Variants in ZNF804B observed in about 807,000 individuals in gnomAD.
The protein encoded by ZNF804B is zinc finger protein 804B.
Under a neutral mutation model 101.4 loss-of-function variants are expected in ZNF804B, and 80 were observed. The ratio of observed to expected loss-of-function variants is 0.79; its 90% CI spans 0.66 to 0.95. ZNF804B has a LOEUF of 0.95. Ranked by LOEUF, ZNF804B falls within the 40% of genes least tolerant of loss-of-function variation. ZNF804B has a pLI of 0.00. For synonymous variants in ZNF804B, 622 were observed against 558.8 expected (o/e 1.11, Z -1.59); for missense variants, 1,673 against 1,561.9 (o/e 1.07, Z -1.20).
intron 1 of ZNF804B, among the ~76,000 whole-genome samples, chr7:88,802,052 G>A (rs1046114493): frequency 1.8e-4 from 27 of 151,988 alleles, no homozygotes; most frequent in Admixed American, 1.3e-4. Flanking sequence ...TGGTGATAGC[G>A]AGGGAATTCT....
chr7:89,199,333 C>G (rs746332686), intron 1 of ZNF804B, among the ~76,000 whole-genome samples: 3 of 151,824 alleles, frequency 2.0e-5, no homozygotes, highest in Non-Finnish European at 4.4e-5. Flanking sequence ...CTCTTCTACT[C>G]TAACCTGCCA....
chr7:89,285,546 A>AAAAAAAAAAAG lies in ZNF804B; in HGVS notation c.250-41796_250-41795insAAAAAAAAGAA, dbSNP rs1554389597. ...TCAAAAAAAAAAAAAAAAAAAAAAA[A>AAAAAAAAAAAG]AAGAAGAAGAAGAAGAAGAAGAAGA... is the stretch of plus-strand genomic sequence containing the variant. On this transcript the variant is annotated intron_variant, in intron 2 of 3. Transcript: ENST00000333190. 5.2e-3 allele frequency among the ~76,000 whole-genome samples: 483 copies of AAAAAAAAAAAG among 93,238 alleles called. 5 individuals are homozygous for AAAAAAAAAAAG. The highest frequency in any genetic ancestry group is 8.1e-3 in the Middle Eastern group (1 of 124). 61.2% of individuals were successfully genotyped at this position (93,238 alleles called of 152,430 possible).
At chr7:88,794,127 T>TA (rs1790430853) in intron 1 of ZNF804B, 5 of 1,435,646 alleles carry the variant, frequency 3.5e-6, no homozygotes, top group Admixed American at 4.9e-5. Context: ...ATGTTTTTTT[T>TA]ATTTAAGTAG....
chr7:89,270,572 C>G (rs575677970), intron 2 of ZNF804B, among the ~76,000 whole-genome samples: 9 of 152,058 alleles, frequency 5.9e-5, no homozygotes, highest in Non-Finnish European at 1.2e-4. Flanking sequence ...TCCCTATGAA[C>G]TTTAAAGTAG....
At chr7:89,049,010 G>T (rs1464733308) in intron 1 of ZNF804B, among the ~76,000 whole-genome samples, 3 of 151,948 alleles carry the variant, frequency 2.0e-5, no homozygotes, top group Non-Finnish European at 4.4e-5. Flanking sequence ...ACAATTTCAG[G>T]TTCTTGTAAA....
intron 1 of ZNF804B, among the ~76,000 whole-genome samples, chr7:89,191,394 A>T (rs1452229408): frequency 6.6e-6 from 1 of 152,150 alleles, no homozygotes; most frequent in South Asian, 2.1e-4. Context: ...GCAGCAACTG[A>T]TAAGTGGCCA....
intron 1 of ZNF804B, among the ~76,000 whole-genome samples, chr7:88,861,792 A>G (rs963926424): frequency 1.8e-4 from 27 of 152,346 alleles, no homozygotes; most frequent in African/African-American, 6.3e-4. Flanking sequence ...GATATGTAGC[A>G]CATACTTTAA....
In ZNF804B at chr7:89,334,114, G is replaced by T; in HGVS notation, c.1132G>T (p.Ala378Ser). ...ACCAAACATTTACAACCATAGTGAT[G>T]CCAGGATATCTGAATGCCTGGATGA... ...SPPNIYNHSD[A>S]RISECLDEFS... The change falls in exon 4 of 4, where the codon GCC (alanine) becomes TCC (serine). Residue 378 changes from alanine to serine, a missense_variant. Transcript: ENST00000333190. The T allele has an allele frequency of 6.2e-7, 1 of 1,613,722 alleles. No individual in the cohort carries two copies. The highest frequency in any genetic ancestry group is 1.1e-5 in the South Asian group (1 of 91,066).
intron 2 of ZNF804B, among the ~76,000 whole-genome samples, chr7:89,270,389 T>G (rs2115836677): frequency 6.6e-6 from 1 of 152,336 alleles, no homozygotes; most frequent in Admixed American, 6.5e-5. Flanking sequence ...TGGGTGTTAT[T>G]ATTTTTGAGG....
At chr7:88,970,375 T>G (rs1432005514) in intron 1 of ZNF804B, among the ~76,000 whole-genome samples, 1 of 138,870 alleles carries the variant, frequency 7.2e-6, no homozygotes, top group Non-Finnish European at 1.6e-5. Context: ...CCCTCTACAC[T>G]GTTGTATTAT....
Position 89,337,982 on chromosome 7 carries a change from C to T in ZNF804B, c.*950C>T, listed in dbSNP as rs1176794891. ...TTATTGAGGATATCTTATTAAATAT[C>T]TGGTGTGTTTTATTCAATTGTACTA... On this transcript the variant is annotated 3_prime_UTR_variant, in exon 4 of 4. Transcript: ENST00000333190. Among the ~76,000 whole-genome samples the T allele has an allele frequency of 6.6e-6, 1 of 151,880 alleles. No individual in the cohort carries two copies. Among genetic ancestry groups the T allele is most frequent in the African/African-American group, 2.4e-5 (1 of 41,382 alleles).
chr7:88,977,274 T>A (rs936414116), intron 1 of ZNF804B, among the ~76,000 whole-genome samples: 1 of 140,172 alleles, frequency 7.1e-6, no homozygotes. Flanking sequence ...TTTGGAAGTA[T>A]TCCTTCATCC....
chr7:88,807,455 C>T (rs1490303905), intron 1 of ZNF804B, among the ~76,000 whole-genome samples: 3 of 152,134 alleles, frequency 2.0e-5, no homozygotes, highest in Admixed American at 6.6e-5. Context: ...CTTTGTGTTA[C>T]GTGAGTAGAA....
chr7:89,298,628 G>A (rs1790429960), intron 2 of ZNF804B, among the ~76,000 whole-genome samples: 1 of 151,412 alleles, frequency 6.6e-6, no homozygotes, highest in Non-Finnish European at 1.5e-5. Flanking sequence ...TCTATATATG[G>A]CAAAAATAAC....
At chr7:89,221,504 C>T (rs1379129081) in intron 2 of ZNF804B, among the ~76,000 whole-genome samples, 2 of 151,912 alleles carry the variant, frequency 1.3e-5, no homozygotes, top group Non-Finnish European at 2.9e-5. Flanking sequence ...AATCGAAGAG[C>T]ATGAGGCATC....
intron 1 of ZNF804B, among the ~76,000 whole-genome samples, chr7:89,163,907 C>T (rs115157880): frequency 0.018 from 2,727 of 151,074 alleles, 94 homozygotes; most frequent in African/African-American, 0.063. Flanking sequence ...TTGTTTCTTT[C>T]TTCTTCCTCT....
chr7:88,788,322 C>G (rs181953669), intron 1 of ZNF804B, among the ~76,000 whole-genome samples: 1 of 152,138 alleles, frequency 6.6e-6, no homozygotes, highest in Non-Finnish European at 1.5e-5. Flanking sequence ...CCTCTTGCTT[C>G]CAGTACTCTG....
intron 2 of ZNF804B, among the ~76,000 whole-genome samples, chr7:89,256,669 A>C (rs1789636109): frequency 6.6e-6 from 1 of 152,256 alleles, no homozygotes. Context: ...AGCCAACTCA[A>C]GGATGCATAG....
chr7:89,039,187 T>C (rs1243247496), intron 1 of ZNF804B, among the ~76,000 whole-genome samples: 3 of 152,050 alleles, frequency 2.0e-5, no homozygotes, highest in Non-Finnish European at 4.4e-5. Flanking sequence ...TTAGGAATTT[T>C]CTTCTTGTTT....
Sources: gnomAD v4.1 joint callset for allele counts (sites outside exome capture counted in the v4.1 genomes callset) on GRCh38, gnomAD v4.1.1 for gene constraint, MANE v1.5 for transcripts, NCBI Gene and HGNC (gene_info 2026-07-23, HGNC 2026-07-21) for gene names.